The following IRAG2 variants were observed in gnomAD, a reference collection of about 807,000 sequenced individuals.
IRAG2 encodes the protein inositol 1,4,5-triphosphate receptor associated 2, also known as lymphoid restricted membrane protein.
IRAG2 carries 45 observed loss-of-function variants against 69.9 expected under a neutral mutation model. The observed-to-expected ratio is 0.64, with a 90% confidence interval of 0.51 to 0.83. IRAG2 has a LOEUF of 0.83. Among genes scored for constraint, IRAG2 ranks in the 40% least tolerant of loss-of-function variants. The pLI, the probability that IRAG2 is intolerant of heterozygous loss-of-function variation, is 0.00. For missense variants in IRAG2, 520 were observed against 587.0 expected (o/e 0.89, Z 1.18); for synonymous variants, 193 against 202.4 (o/e 0.95, Z 0.40).
chr12:25,025,175 G>A (rs926161561), intron 8 of IRAG2, among the ~76,000 whole-genome samples: 3 of 152,068 alleles, frequency 2.0e-5, no homozygotes, highest in Non-Finnish European at 2.9e-5. Context: ...TATGTTAGAC[G>A]GTAAAAAGAG....
At chr12:25,101,562 G>C (rs983809282) in intron 16 of IRAG2, among the ~76,000 whole-genome samples, 1 of 152,192 alleles carries the variant, frequency 6.6e-6, no homozygotes, top group Non-Finnish European at 1.5e-5. Context: ...AGATTACTGA[G>C]ATGACAGAAT....
intron 16 of IRAG2, among the ~76,000 whole-genome samples, chr12:25,044,990 A>G (rs11047781): frequency 0.34 from 51,487 of 151,972 alleles, 10,345 homozygotes; most frequent in Admixed American, 0.49. Context: ...ATTCTTCAGG[A>G]TAGACCACAC....
At chr12:25,073,825 A>AT (rs1449451567) in intron 6 of IRAG2, among the ~76,000 whole-genome samples, 6 of 152,242 alleles carry the variant, frequency 3.9e-5, no homozygotes, top group Admixed American at 1.3e-4. Flanking sequence ...TAAAAATGTT[A>AT]TGATGTCTGC....
intron 3 of IRAG2, among the ~76,000 whole-genome samples, chr12:25,012,794 C>T (rs993073474): frequency 1.3e-5 from 2 of 152,186 alleles, no homozygotes; most frequent in African/African-American, 4.8e-5. Flanking sequence ...TGCCATAGCA[C>T]TCTAGCCTAG....
chr12:25,027,372 G>T (rs916742933), intron 9 of IRAG2, among the ~76,000 whole-genome samples: 1 of 150,196 alleles, frequency 6.7e-6, no homozygotes, highest in East Asian at 1.9e-4. Flanking sequence ...CCATGATATA[G>T]CATGTATTAC....
intron 3 of IRAG2, among the ~76,000 whole-genome samples, 192 bp from the exon 4 acceptor site, chr12:25,063,528 A>T (rs1228230025): frequency 6.6e-6 from 1 of 152,190 alleles, no homozygotes; most frequent in Non-Finnish European, 1.5e-5. Flanking sequence ...ATCATAAGTT[A>T]CTCATATGTA....
At chr12:25,025,523 CA>C (rs757894418) in intron 8 of IRAG2, among the ~76,000 whole-genome samples, 1 of 149,936 alleles carries the variant, frequency 6.7e-6, no homozygotes, top group East Asian at 1.9e-4. Context: ...CAAAACAAAA[CA>C]AAAAAAACAC....
chr12:25,029,060 C>T (rs1944648446), intron 9 of IRAG2, among the ~76,000 whole-genome samples: 4 of 152,134 alleles, frequency 2.6e-5, no homozygotes, highest in Admixed American at 2.0e-4. Context: ...CTCCAAGTAG[C>T]TGGGAGTACA....
At chr12:25,043,679 G>C (rs756266386) in intron 16 of IRAG2, among the ~76,000 whole-genome samples, 1 of 152,164 alleles carries the variant, frequency 6.6e-6, no homozygotes, top group Non-Finnish European at 1.5e-5. Flanking sequence ...TGGTGGTTTG[G>C]ATTAGTGTGA....
intron 14 of IRAG2, chr12:25,092,757 G>A (rs1948156911): frequency 6.4e-6 from 1 of 157,002 alleles, no homozygotes; most frequent in Admixed American, 6.5e-5. Context: ...CACCTGGAAG[G>A]CTGGATGAAT....
At chr12:25,003,440 T>C (rs1014936896), upstream of IRAG2, among the ~76,000 whole-genome samples, 2 of 151,982 alleles carry the variant, frequency 1.3e-5, no homozygotes, top group Admixed American at 6.6e-5. Context: ...AGCCCTCCCA[T>C]ACTCAAGTGA....
Position 25,108,048 on chromosome 12 carries a change from A to G in IRAG2, c.1488A>G (p.Pro496=). 1 of 1,613,490 alleles carries G rather than the reference A, an allele frequency of 6.2e-7. No individual in the cohort carries two copies. Among genetic ancestry groups the G allele is most frequent in the African/African-American group, 1.3e-5 (1 of 75,056 alleles). The part of the protein sequence containing the change: ...WPFTRLRHNG[P]PPV ...TTACCAGACTCCGACACAATGGGCC[A>G]CCACCAGTGTGACAGCAGGACATCC... The change falls in exon 22 of 22, where the codon CCA becomes CCG. Residue 496 remains proline (P), a synonymous_variant. Coordinates refer to ENST00000556887, the MANE Select transcript of IRAG2 (RefSeq NM_001366544.2).
At chr12:25,000,445 CA>C (rs111687844), upstream of IRAG2, among the ~76,000 whole-genome samples, 15 of 150,202 alleles carry the variant, frequency 1.0e-4, no homozygotes, top group East Asian at 3.9e-4. Flanking sequence ...GGCACCATAT[CA>C]AAAAAAAATG....
Position 25,023,921 on chromosome 12 carries a change from GGTAT to G in IRAG2, c.1383+3_1383+6del. On this transcript the variant is annotated splice_donor_variant and splice_donor_region_variant and intron_variant, in intron 8 of 38. Coordinates refer to the IRAG2 transcript ENST00000636465. LOFTEE classifies it high-confidence loss of function. ...TTAAGATTCGGATTCTACAGGAAGA[GGTAT>G]GTCAGAATCGTTAAACACTGGCATA... 1 of 1,226,730 alleles carries G rather than the reference GGTAT, an allele frequency of 8.2e-7. No individual in the cohort carries two copies. The highest frequency in any genetic ancestry group is 1.0e-6 in the Non-Finnish European group (1 of 983,102). The allele number at this position is 1,226,730 out of a possible 1,614,324, so 76.0% of individuals were successfully genotyped here. A position where few individuals can be genotyped will look rare whatever the true frequency, so the allele number is the denominator to read the frequency against.
chr12:25,024,388 G>A (rs540152085), intron 8 of IRAG2, among the ~76,000 whole-genome samples: 51 of 152,296 alleles, frequency 3.3e-4, no homozygotes, highest in African/African-American at 9.6e-4. Context: ...GATAATTCAC[G>A]TGAAGCCATT....
chr12:25,065,063 C>T (rs560315491), intron 4 of IRAG2, among the ~76,000 whole-genome samples: 1 of 150,214 alleles, frequency 6.7e-6, no homozygotes, highest in East Asian at 2.0e-4. Flanking sequence ...ACATTCCAGC[C>T]TGGGTGTCGC....
At chr12:25,053,085 A>C in intron 1 of IRAG2, 129 bp downstream of exon 1, 1 of 395,492 alleles carries the variant, frequency 2.5e-6, no homozygotes, top group Non-Finnish European at 4.5e-6. Context: ...ATGGTTTGAG[A>C]AGGCAATATT....
chr12:25,001,774 T>G (rs113365298), upstream of IRAG2, among the ~76,000 whole-genome samples: 14,646 of 150,756 alleles, frequency 0.097, 862 homozygotes, highest in Non-Finnish European at 0.13. Flanking sequence ...CTTTTGGTTT[T>G]TTTTTTTTTT....
chr12:25,048,289 CTTTTTATT>C (rs1182213003), upstream of IRAG2, among the ~76,000 whole-genome samples: 5 of 152,078 alleles, frequency 3.3e-5, no homozygotes, highest in Admixed American at 3.3e-4. Flanking sequence ...CCTTTGCCCA[CTTTTTATT>C]TTTTTATTTT....
Sources: gnomAD v4.1 joint callset for allele counts (sites outside exome capture counted in the v4.1 genomes callset) on GRCh38, gnomAD v4.1.1 for gene constraint, MANE v1.5 for transcripts, NCBI Gene and HGNC (gene_info 2026-07-23, HGNC 2026-07-21) for gene names.